CAMTA2: variants seen among roughly 807,000 people sequenced by gnomAD.
The protein encoded by CAMTA2 is calmodulin-binding transcription activator 2.
Under a neutral mutation model 135.7 loss-of-function variants are expected in CAMTA2, and 56 were observed. The ratio of observed to expected loss-of-function variants is 0.41; its 90% confidence interval spans 0.33 to 0.52. The LOEUF is 0.52. CAMTA2 is among the 20% of genes least tolerant of loss of function. The probability of loss-of-function intolerance (pLI) is 0.16; values close to 1 mark genes in which losing one functional copy is unlikely to be tolerated. For missense variants in CAMTA2, 1,358 were observed against 1,553.4 expected, an observed-to-expected ratio of 0.87 and a Z score of 2.11; for synonymous variants, 591 against 604.6, an observed-to-expected ratio of 0.98 and a Z score of 0.33.
At chr17:4,979,589 G>C (rs1380052899) in intron 9 of CAMTA2, 95 bp downstream of exon 9, 3 of 794,128 alleles carry the variant, frequency 3.8e-6, no homozygotes, top group Non-Finnish European at 6.1e-6. Context: ...AGGGAAACTA[G>C]GTCACAGACC....
rs576677228 is a variant in CAMTA2, at chr17:4,980,034, G to C, written c.1288C>G (p.Pro430Ala). The change falls in exon 9 of 23, where the codon CCA becomes GCA. Residue 430 changes from proline (P) to alanine (A), a missense_variant. Physicochemically the swap from Pro to Ala is conservative, Grantham distance 27. This residue lies in a region of CAMTA2 where 1,077 missense variants were observed against 1,127.5 expected (regional missense o/e 0.96). Coordinates refer to ENST00000348066, the MANE Select transcript of CAMTA2 (RefSeq NM_015099.4). This position sits in a 1 kb window ranked among gnomAD's most constrained non-coding sequence, Gnocchi z 5.3. The part of the protein sequence containing the change: ...EPQAAARGPP[P>A]QSVAGGRRGN... ...CTTCTCCCACCTGCTACTGACTGTG[G>C]TGGGGGACCCCGAGCAGCTGCCTGG... The C allele has an allele frequency of 1.2e-6, 2 of 1,613,766 alleles. No homozygotes were observed. The highest frequency in any genetic ancestry group is 1.7e-5 in the Admixed American group (1 of 60,022).
chr17:4,969,032 G>A lies in CAMTA2; in HGVS notation c.3471-51C>T. On this transcript the variant is annotated intron_variant, in intron 21 of 22. Coordinates refer to ENST00000348066, the MANE Select transcript of CAMTA2 (RefSeq NM_015099.4). This position sits in a 1 kb window ranked among gnomAD's most constrained non-coding sequence, Gnocchi z 5.6. ...CTCACAGAAGGCATCGCATGCCTTCGGCCCCCCCAGGAACCCTAGGCAGGG... is the reference window on the plus strand; with the variant it reads ...CTCACAGAAGGCATCGCATGCCTTCAGCCCCCCCAGGAACCCTAGGCAGGG... 4.4e-6 allele frequency: 7 copies of A among 1,588,354 alleles called. 1 individual carries two copies. In the South Asian group the frequency reaches 4.4e-5, roughly 10 times the overall value.
intron 17 of CAMTA2, 66 bp downstream of exon 17, chr17:4,970,274 G>T: frequency 5.7e-6 from 9 of 1,571,612 alleles, no homozygotes; most frequent in Non-Finnish European, 7.9e-6. Context: ...CTGTGGGAAA[G>T]CCAGCTTTCT....
intron 1 of CAMTA2, chr17:4,986,866 A>T: frequency 1.9e-6 from 2 of 1,065,916 alleles, no homozygotes; most frequent in Non-Finnish European, 2.8e-6. Flanking sequence ...CACCCTCAGG[A>T]CAACCCACCC....
intron 3 of CAMTA2, 164 bp from the exon 4 acceptor site, chr17:4,983,207 C>A (rs918150759): frequency 4.9e-6 from 3 of 617,032 alleles, no homozygotes; most frequent in South Asian, 2.0e-5. Flanking sequence ...TCCTAAGAAC[C>A]CTTCTTTTGT....
chr17:4,969,715 A>G lies in CAMTA2; in HGVS notation c.3190-14T>C. On this transcript the variant is annotated splice_polypyrimidine_tract_variant and intron_variant, in intron 18 of 22. Transcript: ENST00000348066. This position sits in a 1 kb window ranked among gnomAD's most constrained non-coding sequence, Gnocchi z 5.6. ...CAGCCGCCGGCCCTGAAGGGAGAGA[A>G]GTCTCACCACCTCATGACCCACATA... 1 of 1,613,622 alleles carries G rather than the reference A, an allele frequency of 6.2e-7. No homozygotes were observed. Among genetic ancestry groups the G allele is most frequent in the Non-Finnish European group, 8.5e-7 (1 of 1,179,940 alleles).
chr17:4,972,727 C>A, intron 15 of CAMTA2, 42 bp downstream of exon 15: 1 of 1,582,474 alleles, frequency 6.3e-7, no homozygotes, highest in Non-Finnish European at 8.7e-7. Flanking sequence ...GCCTATCCTC[C>A]TACCTACATC....
intron 3 of CAMTA2, 64 bp from the exon 4 acceptor site, chr17:4,983,107 G>T: frequency 7.4e-7 from 1 of 1,350,910 alleles, no homozygotes; most frequent in Non-Finnish European, 1.1e-6. Flanking sequence ...TGGCCTCTTG[G>T]TCATCCTGTC....
Position 4,980,179 on chromosome 17 carries a change from G to A in CAMTA2, c.1143C>T (p.Leu381=), listed in dbSNP as rs1168225492. The A allele has an allele frequency of 1.3e-6, 2 of 1,576,638 alleles. No individual in the cohort carries two copies. The highest frequency in any genetic ancestry group is 4.5e-5 in the East Asian group (2 of 44,558). The stretch of plus-strand genomic sequence containing the variant: ...ATGTCTGGCCCCTCTGGGGGCTGTT[G>A]AGAAAACGATCAGGGTCAAAGGCAG... ...PSPAFDPDRF[L]NSPQRGQTYG... Residue 381 remains leucine (L), a synonymous_variant, in exon 9 of 23, where the codon CTC becomes CTT. Transcript: ENST00000348066. This position sits in a 1 kb window ranked among gnomAD's most constrained non-coding sequence, Gnocchi z 5.3.
chr17:4,971,474 G>A (rs1165522694), intron 16 of CAMTA2, among the ~76,000 whole-genome samples: 2 of 152,074 alleles, frequency 1.3e-5, no homozygotes, highest in Admixed American at 6.6e-5. Flanking sequence ...CTCCCAAGTA[G>A]CTACAACTAC....
Position 4,987,650 on chromosome 17 carries a change from C to CA in CAMTA2, c.-123_-122insT, listed in dbSNP as rs1555563968. ...GCCATTCTACCCCACACCGACCCCC[C>CA]CCAGCGCCGGCTGACAGCGGCGTCT... On this transcript the variant is annotated 5_prime_UTR_variant, in exon 1 of 23. Transcript: ENST00000348066. The CA allele has an allele frequency of 2.6e-6, 4 of 1,522,094 alleles. No homozygotes were observed. Among genetic ancestry groups the CA allele is most frequent in the South Asian group, 1.2e-5 (1 of 82,512 alleles). 94.3% of individuals were successfully genotyped at this position (1,522,094 alleles called of 1,614,324 possible).
intron 12 of CAMTA2, chr17:4,974,090 G>C (rs1597739449): frequency 1.9e-6 from 1 of 522,208 alleles, no homozygotes; most frequent in East Asian, 3.4e-5. Flanking sequence ...TCAGAAACTT[G>C]GGACCCACAG....
At chr17:4,986,643 T>C in intron 1 of CAMTA2, 1 of 529,112 alleles carries the variant, frequency 1.9e-6, no homozygotes, top group Non-Finnish European at 3.3e-6. Context: ...CATCCGGTCC[T>C]TGGAGGATGG....
rs774647893 is a variant in CAMTA2 at position 4,974,405 on chromosome 17, G to A, written c.1996C>T (p.Pro666Ser). 4.9e-5 allele frequency: 79 copies of A among 1,612,314 alleles called. No homozygotes were observed. Among genetic ancestry groups the A allele is most frequent in the Non-Finnish European group, 5.9e-5 (70 of 1,178,628 alleles). ...AAAGQVPCQG[P>S]DAPPVQDEGQ... ...AGTACCTGAACTGGAGGAGCATCAGGACCCTGGCAAGGCACCTGCCCAGCT... is the reference window on the plus strand; with the variant it reads ...AGTACCTGAACTGGAGGAGCATCAGAACCCTGGCAAGGCACCTGCCCAGCT... Residue 666 changes from proline (P) to serine (S), a missense_variant, in exon 12 of 23, where the codon CCT (proline) becomes TCT (serine). Physicochemically the swap from Pro to Ser is moderately conservative, Grantham distance 74. Coordinates refer to ENST00000348066, the MANE Select transcript of CAMTA2 (RefSeq NM_015099.4).
chr17:4,979,508 C>CA (rs5819002), intron 9 of CAMTA2, 176 bp downstream of exon 9: 74,696 of 204,884 alleles, frequency 0.36, 12,311 homozygotes, highest in Admixed American at 0.45. Context: ...GAAACTGTCT[C>CA]AAAAAAAAAA....
At position 4,972,212 on chromosome 17, in the gene CAMTA2, T is replaced by C. The variant is rs1285668674; in HGVS notation, c.2808+20A>G. On this transcript the variant is annotated intron_variant, in intron 16 of 22. Transcript: ENST00000348066. Reference sequence around the variant, plus strand: ...CTACTCCACTTCTAGCCCCCATAACTCCATCAATATAAGCAGTACCGGGAT... The same window carrying C: ...CTACTCCACTTCTAGCCCCCATAACCCCATCAATATAAGCAGTACCGGGAT... 6.2e-7 allele frequency: 1 copy of C among 1,600,068 alleles called. No homozygotes were observed. The highest frequency in any genetic ancestry group is 1.7e-5 in the Admixed American group (1 of 58,364).
chr17:4,979,184 G>A (rs916156536), intron 9 of CAMTA2, among the ~76,000 whole-genome samples: 2 of 152,106 alleles, frequency 1.3e-5, no homozygotes, highest in African/African-American at 4.8e-5. Flanking sequence ...TGAGGACTCT[G>A]GAAACAGGAA....
rs758390424 is a variant in CAMTA2, at chr17:4,969,759, C to T, written c.3190-58G>A. The T allele has an allele frequency of 3.1e-6, 5 of 1,606,746 alleles. No individual in the cohort carries two copies. The highest frequency in any genetic ancestry group is 3.4e-6 in the Non-Finnish European group (4 of 1,174,238). On this transcript the variant is annotated intron_variant, in intron 18 of 22. Transcript: ENST00000348066. The surrounding 1 kb of genome is among the most constrained non-coding windows in gnomAD (Gnocchi z 5.6). ...CCACATAATGGCATATCTGACTTGTCCCTTCAACTTTCCTGGGGTTCCCCT... is the reference window on the plus strand; with the variant it reads ...CCACATAATGGCATATCTGACTTGTTCCTTCAACTTTCCTGGGGTTCCCCT...
At chr17:4,977,697 A>G (rs1972698301) in intron 10 of CAMTA2, among the ~76,000 whole-genome samples, 2 of 152,214 alleles carry the variant, frequency 1.3e-5, no homozygotes, top group Non-Finnish European at 2.9e-5. Context: ...CCTTACACAC[A>G]TGCTGGATGC....
Sources: gnomAD v4.1 joint callset for allele counts (sites outside exome capture counted in the v4.1 genomes callset) on GRCh38, gnomAD v4.1.1 for gene constraint, gnomAD v4.1.1 regional missense constraint, Gnocchi (gnomAD v3.1) non-coding constraint, MANE v1.5 for transcripts, NCBI Gene and HGNC (gene_info 2026-07-23, HGNC 2026-07-21) for gene names.